The following MICALL2 variants were observed in gnomAD, a reference collection of about 807,000 sequenced individuals.
MICALL2 encodes MICAL like 2, also known as MICAL-like protein 2.
MICALL2 carries 111 observed loss-of-function variants against 91.1 expected under a neutral mutation model. The ratio of observed to expected loss-of-function variants is 1.22; its 90% CI spans 1.04 to 1.43. The LOEUF (loss-of-function observed/expected upper bound fraction) is 1.43, where lower values mean the gene tolerates loss of function less well. MICALL2 is among the 40% of genes most tolerant of loss of function. The probability of loss-of-function intolerance (pLI) is 0.00; values close to 1 mark genes in which losing one functional copy is unlikely to be tolerated. For synonymous variants in MICALL2, 694 were observed against 525.3 expected, an observed-to-expected ratio of 1.32 and a Z score of -4.39; for missense variants, 1,556 against 1,236.0, an observed-to-expected ratio of 1.26 and a Z score of -3.88.
rs191040230 is a variant in MICALL2 at position 1,451,641 on chromosome 7, A to T, written c.144-1353T>A. On this transcript the variant is annotated intron_variant, in intron 1 of 16. Coordinates refer to ENST00000297508, the MANE Select transcript of MICALL2 (RefSeq NM_182924.4). This position sits in a 1 kb window ranked among gnomAD's most constrained non-coding sequence, Gnocchi z 4.5. The stretch of plus-strand genomic sequence containing the variant: ...CCCCACAGAGGGAGCTGGGGCTGCA[A>T]GCCGTGTCCTGCCTCACCCCGGCCT... Among the ~76,000 whole-genome samples the T allele has an allele frequency of 1.3e-5, 2 of 152,222 alleles. No individual in the cohort carries two copies. Among genetic ancestry groups the T allele is most frequent in the Non-Finnish European group, 2.9e-5 (2 of 67,992 alleles).
Position 1,434,554 on chromosome 7 carries a change from C to G in MICALL2, c.*42G>C, listed in dbSNP as rs560256062. The G allele has an allele frequency of 2.6e-6, 4 of 1,560,340 alleles. No homozygotes were observed. The South Asian group carries it at 4.5e-5, about 17-fold the overall frequency. ...CAAGCCCATGGCCCCGAGTCCAAGT[C>G]CGGATGCCAGGTCCGGGCCGAGCCC... is the stretch of plus-strand genomic sequence containing the variant. On this transcript the variant is annotated 3_prime_UTR_variant, in exon 17 of 17. Coordinates refer to ENST00000297508, the MANE Select transcript of MICALL2 (RefSeq NM_182924.4).
In MICALL2 at chr7:1,437,580, G is replaced by A; in HGVS notation, c.2431C>T (p.Gln811Ter). The change falls in exon 14 of 17, where the codon CAG becomes TAG. Residue 811 changes from glutamine (Q) to a stop codon, truncating the protein, a stop_gained. Transcript: ENST00000297508. LOFTEE classifies it high-confidence loss of function. The stretch of plus-strand genomic sequence containing the variant: ...CGCAGCTCGCCCTCGATGTCCAGCT[G>A]CTGCTCCTCCAGACGCTGGGCCTTG... ...KSKAQRLEEQ[Q>*]LDIEGELRRL... is the part of the protein sequence containing the mutation. 1 of 1,537,418 alleles carries A rather than the reference G, an allele frequency of 6.5e-7. No homozygotes were observed. Among genetic ancestry groups the A allele is most frequent in the Non-Finnish European group, 8.7e-7 (1 of 1,145,908 alleles).
Position 1,434,485 on chromosome 7 carries a change from C to A in MICALL2, c.*111G>T, listed in dbSNP as rs1313069647. ...CCAAGTCCGAATGCCGGGTCCGGGC[C>A]GAGCCCACGGCCCCGAGTACAAGTC... On this transcript the variant is annotated 3_prime_UTR_variant, in exon 17 of 17. Coordinates refer to ENST00000297508, the MANE Select transcript of MICALL2 (RefSeq NM_182924.4). The A allele has an allele frequency of 1.0e-6, 1 of 975,772 alleles. No individual in the cohort carries two copies. Among genetic ancestry groups the A allele is most frequent in the African/African-American group, 1.6e-5 (1 of 63,084 alleles). The allele number at this position is 975,772 out of a possible 1,614,324, so 60.4% of individuals were successfully genotyped here.
Position 1,438,821 on chromosome 7 carries a change from C to T in MICALL2, c.2122+19G>A, listed in dbSNP as rs777495613. 2.0e-5 allele frequency: 32 copies of T among 1,585,428 alleles called. No homozygotes were observed. The highest frequency in any genetic ancestry group is 2.8e-5 in the Non-Finnish European group (32 of 1,161,466). On this transcript the variant is annotated intron_variant, in intron 10 of 16. Coordinates refer to ENST00000297508, the MANE Select transcript of MICALL2 (RefSeq NM_182924.4). ...CCTTCACGTACACCCCAAACAGCAG[C>T]GGTGTCTCTGGGGCTGACCTGGTTT...
chr7:1,445,518 C>T, intron 5 of MICALL2, 90 bp from the exon 6 acceptor site: 1 of 1,271,036 alleles, frequency 7.9e-7, no homozygotes, highest in Non-Finnish European at 1.1e-6. Flanking sequence ...GCATTGCGGA[C>T]TCCTGTGTCC....
chr7:1,450,240 C>G lies in MICALL2; in HGVS notation c.192G>C (p.Leu64=). 1 of 1,612,420 alleles carries G rather than the reference C, an allele frequency of 6.2e-7. No homozygotes were observed. Among genetic ancestry groups the G allele is most frequent in the Non-Finnish European group, 8.5e-7 (1 of 1,179,692 alleles). ...TGAGGCCGGGGCGGGGGCCACTCACCAGTTTATTGTTTTCATAAATATTTT... is the reference window on the plus strand; with the variant it reads ...TGAGGCCGGGGCGGGGGCCACTCACGAGTTTATTGTTTTCATAAATATTTT... ...KKENIYENNK[L]AFRVAEEHLG... Residue 64 remains leucine (L), a splice_region_variant and synonymous_variant, in exon 2 of 17, where the codon CTG becomes CTC. Coordinates refer to ENST00000297508, the MANE Select transcript of MICALL2 (RefSeq NM_182924.4).
intron 14 of MICALL2, 98 bp downstream of exon 14, chr7:1,437,437 C>G: frequency 2.7e-6 from 3 of 1,121,070 alleles, no homozygotes; most frequent in Non-Finnish European, 3.7e-6. Context: ...GTCTCACCAC[C>G]AGGACAGTCA....
At chr7:1,437,717 G>T in intron 13 of MICALL2, 109 bp from the exon 14 acceptor site, 1 of 1,298,272 alleles carries the variant, frequency 7.7e-7, no homozygotes. Flanking sequence ...CGAGTCTGAG[G>T]CCTGACTCGC....
At chr7:1,450,764 G>A (rs2041963297) in intron 1 of MICALL2, among the ~76,000 whole-genome samples, 1 of 152,172 alleles carries the variant, frequency 6.6e-6, no homozygotes, top group African/African-American at 2.4e-5. Flanking sequence ...ATGCAGAGAG[G>A]GCCAGCCACG....
intron 15 of MICALL2, among the ~76,000 whole-genome samples, chr7:1,436,447 A>G (rs1484007252): frequency 6.7e-6 from 1 of 148,212 alleles, no homozygotes; most frequent in Admixed American, 6.8e-5. Flanking sequence ...CAGCTACTCG[A>G]GAAGCTGAGG....
chr7:1,446,952 A>T, intron 4 of MICALL2, 124 bp from the exon 5 acceptor site: 1 of 696,926 alleles, frequency 1.4e-6, no homozygotes. Flanking sequence ...AGGAGCCGCC[A>T]GCAGGGCTGC....
rs1175137849 is a variant in MICALL2, at chr7:1,459,227, G to A, written c.100C>T (p.Leu34=). 1.3e-5 allele frequency: 21 copies of A among 1,610,972 alleles called. No homozygotes were observed. The highest frequency in any genetic ancestry group is 2.2e-5 in the East Asian group (1 of 44,748). The change falls in exon 1 of 17, where the codon CTG becomes TTG. Residue 34 remains leucine (L), a synonymous_variant. Transcript: ENST00000297508. ...CNMTTSFRDG[L]AFCAILHRHR... ...CGGTGCAGGATGGCGCAGAAAGCCA[G>A]GCCGTCGCGGAACGACGTGGTCATG... is the stretch of plus-strand genomic sequence containing the variant.
intron 10 of MICALL2, 34 bp from the exon 11 acceptor site, chr7:1,438,387 G>A (rs1410264362): frequency 6.3e-7 from 1 of 1,578,164 alleles, no homozygotes; most frequent in Non-Finnish European, 8.6e-7. Flanking sequence ...TCTGGGACCT[G>A]GGCCACCAGG....
chr7:1,444,211 G>A (rs1196450633), intron 6 of MICALL2, among the ~76,000 whole-genome samples: 18 of 100,128 alleles, frequency 1.8e-4, no homozygotes, highest in Non-Finnish European at 2.6e-4. Context: ...GGTCCCGCTC[G>A]CGACCTGTCC....
intron 1 of MICALL2, among the ~76,000 whole-genome samples, chr7:1,458,330 C>T (rs1302678958): frequency 6.6e-6 from 1 of 152,224 alleles, no homozygotes. Flanking sequence ...GAGACCTTCC[C>T]ACCAAAAACA....
intron 4 of MICALL2, 89 bp from the exon 5 acceptor site, chr7:1,446,917 T>TG: frequency 5.4e-6 from 5 of 932,842 alleles, no homozygotes; most frequent in Non-Finnish European, 8.0e-6. Context: ...AGAGCCCATC[T>TG]TACAGATGGA....
intron 1 of MICALL2, chr7:1,450,622 A>G (rs942339254): frequency 3.5e-6 from 1 of 284,598 alleles, no homozygotes; most frequent in Admixed American, 4.4e-5. Context: ...AGGGCGGTTC[A>G]GCACAGCTCA....
rs762793529 is a variant in MICALL2, at chr7:1,437,487, C to T, written c.2476+48G>A. ...GCCGGCCCCCAGACATCCTGGGCTCCGCGGCATCCCTGGCTGGGGCCCCTT... is the reference window on the plus strand; with the variant it reads ...GCCGGCCCCCAGACATCCTGGGCTCTGCGGCATCCCTGGCTGGGGCCCCTT... On this transcript the variant is annotated intron_variant, in intron 14 of 16. Transcript: ENST00000297508. 57 of 1,477,974 alleles carry T rather than the reference C, an allele frequency of 3.9e-5. No individual in the cohort carries two copies. In the African/African-American group the frequency reaches 5.4e-4, roughly 14 times the overall value. 91.6% of individuals were successfully genotyped at this position (1,477,974 alleles called of 1,614,324 possible).
chr7:1,443,847 C>A (rs533836252), intron 6 of MICALL2, among the ~76,000 whole-genome samples: 1 of 152,174 alleles, frequency 6.6e-6, no homozygotes, highest in African/African-American at 2.4e-5. Flanking sequence ...CTGTGTAAGC[C>A]GCCCAGTGAG....
Sources: allele counts gnomAD v4.1 joint callset (sites outside exome capture counted in the v4.1 genomes callset), GRCh38; gene constraint gnomAD v4.1.1; non-coding constraint Gnocchi (gnomAD v3.1); transcripts MANE v1.5; gene names NCBI Gene and HGNC (gene_info 2026-07-23, HGNC 2026-07-21).